Variants in RBFOX1 observed in about 807,000 individuals in gnomAD.
RBFOX1 encodes the protein RNA binding fox-1 homolog 1.
A neutral mutation model predicts 57.7 loss-of-function variants in RBFOX1; 8 were observed. The ratio of observed to expected loss-of-function variants is 0.14; its 90% CI spans 0.08 to 0.25. RBFOX1 has a LOEUF of 0.25. Ranked by LOEUF, RBFOX1 falls within the 10% of genes least tolerant of loss-of-function variation. The pLI is 1.00. For missense variants in RBFOX1, 611 were observed against 548.5 expected (o/e 1.11, Z -1.14); for synonymous variants, 326 against 222.4 (o/e 1.47, Z -4.15).
intron 3 of RBFOX1, among the ~76,000 whole-genome samples, chr16:6,971,619 G>A (rs536400491): frequency 6.6e-6 from 1 of 152,182 alleles, no homozygotes; most frequent in Admixed American, 6.6e-5. Flanking sequence ...TGTACTGATT[G>A]GGGGCGGAGA....
intron 1 of RBFOX1, among the ~76,000 whole-genome samples, chr16:5,333,091 G>C (rs1418760529): frequency 1.3e-5 from 2 of 152,164 alleles, no homozygotes; most frequent in African/African-American, 4.8e-5. Context: ...AGGAGACTGA[G>C]ACAGGAGAAT....
chr16:6,062,679 A>G (rs1455690175), intron 1 of RBFOX1, among the ~76,000 whole-genome samples: 1 of 149,666 alleles, frequency 6.7e-6, no homozygotes, highest in East Asian at 1.9e-4. Flanking sequence ...ATATATATCT[A>G]TATATGTATA....
At chr16:7,189,943 A>T (rs567151785) in intron 4 of RBFOX1, among the ~76,000 whole-genome samples, 6 of 152,204 alleles carry the variant, frequency 3.9e-5, no homozygotes, top group African/African-American at 1.2e-4. Flanking sequence ...TGGGCAAGAC[A>T]TCAATTAGTG....
chr16:5,340,137 C>T (rs895709725), intron 1 of RBFOX1, among the ~76,000 whole-genome samples: 16 of 152,150 alleles, frequency 1.1e-4, no homozygotes, highest in African/African-American at 3.9e-4. Context: ...AAGTGAAATT[C>T]TTCAGCAAAA....
intron 4 of RBFOX1, among the ~76,000 whole-genome samples, chr16:7,327,315 A>G (rs2143814911): frequency 6.6e-6 from 1 of 152,346 alleles, no homozygotes; most frequent in South Asian, 2.1e-4. Flanking sequence ...TGAAGAAAAG[A>G]GTGATCTGTA....
At chr16:5,696,740 A>G (rs569764459) in intron 3 of RBFOX1, among the ~76,000 whole-genome samples, 5 of 152,316 alleles carry the variant, frequency 3.3e-5, no homozygotes, top group Admixed American at 1.3e-4. Flanking sequence ...TTGCCTTCCC[A>G]TCTATGAATA....
chr16:7,431,956 C>A (rs1206081204), intron 4 of RBFOX1, among the ~76,000 whole-genome samples: 1 of 152,234 alleles, frequency 6.6e-6, no homozygotes, highest in Non-Finnish European at 1.5e-5. Flanking sequence ...TCTGAGGCCT[C>A]ATTACGGGAT....
chr16:7,391,078 A>G (rs1435263465), intron 4 of RBFOX1, among the ~76,000 whole-genome samples: 1 of 152,050 alleles, frequency 6.6e-6, no homozygotes, highest in Non-Finnish European at 1.5e-5. Context: ...AGTCCTTAAG[A>G]ACATAGCTCT....
At chr16:5,279,063 C>A (rs1046742536) in intron 1 of RBFOX1, among the ~76,000 whole-genome samples, 7 of 151,720 alleles carry the variant, frequency 4.6e-5, no homozygotes, top group African/African-American at 1.7e-4. Flanking sequence ...ATTGCTTTGG[C>A]TATTTGGGGT....
chr16:5,369,266 T>G (rs2065801452), intron 1 of RBFOX1, among the ~76,000 whole-genome samples: 1 of 152,202 alleles, frequency 6.6e-6, no homozygotes, highest in African/African-American at 2.4e-5. Context: ...TCTCCCAAAG[T>G]GCTGAGATTA....
intron 11 of RBFOX1, among the ~76,000 whole-genome samples, chr16:7,638,143 G>A (rs138013150): frequency 4.1e-4 from 63 of 152,220 alleles, no homozygotes; most frequent in African/African-American, 1.5e-3. Context: ...GACAGTGAAC[G>A]CCTGTTAACC....
At chr16:6,803,580 T>C (rs1305068928) in intron 3 of RBFOX1, among the ~76,000 whole-genome samples, 1 of 152,158 alleles carries the variant, frequency 6.6e-6, no homozygotes, top group Non-Finnish European at 1.5e-5. Flanking sequence ...TTATGTATGG[T>C]GGTAAAATAA....
intron 2 of RBFOX1, among the ~76,000 whole-genome samples, chr16:6,388,310 G>A (rs2092412002): frequency 1.3e-5 from 2 of 151,902 alleles, no homozygotes; most frequent in African/African-American, 2.4e-5. Flanking sequence ...GGGGGACGTA[G>A]GTCTGAAGCT....
At chr16:7,014,242 G>C (rs138047983) in intron 3 of RBFOX1, among the ~76,000 whole-genome samples, 5 of 150,524 alleles carry the variant, frequency 3.3e-5, no homozygotes, top group Non-Finnish European at 7.4e-5. Flanking sequence ...GTGGAGTCTC[G>C]CTCTGTCGCC....
intron 3 of RBFOX1, among the ~76,000 whole-genome samples, chr16:6,785,952 C>T (rs73530749): frequency 6.6e-6 from 1 of 152,176 alleles, no homozygotes; most frequent in African/African-American, 2.4e-5. Flanking sequence ...ATGTGACTTC[C>T]CAGGTGGCAC....
At chr16:7,400,939 C>G (rs991209119) in intron 4 of RBFOX1, among the ~76,000 whole-genome samples, 5 of 152,160 alleles carry the variant, frequency 3.3e-5, no homozygotes, top group Admixed American at 1.3e-4. Context: ...TCACATACCA[C>G]CACGGTATTT....
At chr16:5,334,305 G>A (rs2064841965) in intron 1 of RBFOX1, among the ~76,000 whole-genome samples, 1 of 152,202 alleles carries the variant, frequency 6.6e-6, no homozygotes, top group African/African-American at 2.4e-5. Flanking sequence ...GTGGTTTATG[G>A]TCATGCCGAT....
chr16:6,024,775 C>T (rs757209946), intron 1 of RBFOX1, among the ~76,000 whole-genome samples: 52 of 152,218 alleles, frequency 3.4e-4, no homozygotes, highest in Admixed American at 2.3e-3. Flanking sequence ...TGAGCCACCA[C>T]GCCCAGCCTC....
At chr16:6,527,732 C>CT (rs1413198297) in intron 2 of RBFOX1, among the ~76,000 whole-genome samples, 3 of 152,042 alleles carry the variant, frequency 2.0e-5, no homozygotes, top group Non-Finnish European at 2.9e-5. Context: ...ATCGTTGACC[C>CT]TAAACCCAGA....
Sources: allele counts gnomAD v4.1 joint callset (sites outside exome capture counted in the v4.1 genomes callset), GRCh38; gene constraint gnomAD v4.1.1; transcripts MANE v1.5; gene names NCBI Gene and HGNC (gene_info 2026-07-23, HGNC 2026-07-21).